The following SAR1B variants were observed in gnomAD, a reference collection of about 807,000 sequenced individuals.
The protein encoded by SAR1B is secretion associated Ras related GTPase 1B.
In SAR1B, 23 loss-of-function variants were observed where a neutral mutation model predicts 26.8. The ratio of observed to expected loss-of-function variants is 0.86; its 90% CI spans 0.62 to 1.22. SAR1B has a LOEUF of 1.22. SAR1B is among the 50% of genes most tolerant of loss of function. SAR1B has a pLI of 0.00. For synonymous variants in SAR1B, 65 were observed against 80.8 expected, an observed-to-expected ratio of 0.80 and a Z score of 1.05; for missense variants, 196 against 232.8, an observed-to-expected ratio of 0.84 and a Z score of 1.03.
Position 134,612,683 on chromosome 5 carries a change from A to AAAAATAAC in SAR1B, c.244+7_244+8insGTTATTTT. On this transcript the variant is annotated splice_region_variant and intron_variant, in intron 4 of 6. Coordinates refer to ENST00000402673, the MANE Select transcript of SAR1B (RefSeq NM_016103.4). Reference sequence around the variant, plus strand: ...AAAAAAAAAAAAAAAAAAAAAAAAGAATCTTACCTTGAACATGTCCACCCA... The same window carrying AAAAATAAC: ...AAAAAAAAAAAAAAAAAAAAAAAAGAAAAATAACATCTTACCTTGAACATGTCCACCCA... The AAAAATAAC allele has an allele frequency of 9.5e-7, 1 of 1,055,242 alleles. No individual in the cohort carries two copies. Among genetic ancestry groups the AAAAATAAC allele is most frequent in the Non-Finnish European group, 1.3e-6 (1 of 756,324 alleles). 65.4% of individuals were successfully genotyped at this position (1,055,242 alleles called of 1,614,324 possible).
chr5:134,621,026 C>T lies in SAR1B; in HGVS notation c.85G>A (p.Val29Ile), dbSNP rs760298095. The T allele has an allele frequency of 6.2e-7, 1 of 1,613,110 alleles. No homozygotes were observed. The highest frequency in any genetic ancestry group is 8.5e-7 in the Non-Finnish European group (1 of 1,179,168). The change falls in exon 3 of 7, where the codon GTA becomes ATA. Residue 29 changes from valine to isoleucine, a missense_variant. Transcript: ENST00000402673. ...LGLYKKTGKLVFLGLDNAGKT... is the reference protein window; with the variant it reads ...LGLYKKTGKLIFLGLDNAGKT... ...CCTGCATTATCCAATCCAAGAAATA[C>T]CAGTTTACCAGTTTTCTTATATAAT... is the stretch of plus-strand genomic sequence containing the variant.
chr5:134,606,143 A>G lies in SAR1B; in HGVS notation c.*807T>C, dbSNP rs1765124017. On this transcript the variant is annotated 3_prime_UTR_variant, in exon 7 of 7. Transcript: ENST00000402673. Reference sequence around the variant, plus strand: ...TACCATAAATGTGCTTTTCTTCAGAAGGCCAATCCCACAGGGACTAGGACA... The same window carrying G: ...TACCATAAATGTGCTTTTCTTCAGAGGGCCAATCCCACAGGGACTAGGACA... 1 of 152,276 alleles carries G rather than the reference A, an allele frequency of 6.6e-6. No homozygotes were observed. Among genetic ancestry groups the G allele is most frequent in the Non-Finnish European group, 1.5e-5 (1 of 68,102 alleles). The allele number at this position is 152,276 out of a possible 1,614,324, so 9.4% of individuals were successfully genotyped here.
chr5:134,612,470 T>TC (rs1483504673), intron 4 of SAR1B, among the ~76,000 whole-genome samples: 1 of 151,134 alleles, frequency 6.6e-6, no homozygotes, highest in African/African-American at 2.4e-5. Flanking sequence ...CGTGGCGAAA[T>TC]CCCATCTCTA....
Position 134,612,683 on chromosome 5 carries a change from A to AAAAAAAAATAAC in SAR1B, c.244+7_244+8insGTTATTTTTTTT. On this transcript the variant is annotated splice_region_variant and intron_variant, in intron 4 of 6. Coordinates refer to ENST00000402673, the MANE Select transcript of SAR1B (RefSeq NM_016103.4). Reference sequence around the variant, plus strand: ...AAAAAAAAAAAAAAAAAAAAAAAAGAATCTTACCTTGAACATGTCCACCCA... The same window carrying AAAAAAAAATAAC: ...AAAAAAAAAAAAAAAAAAAAAAAAGAAAAAAAAATAACATCTTACCTTGAACATGTCCACCCA... 1 of 1,055,250 alleles carries AAAAAAAAATAAC rather than the reference A, an allele frequency of 9.5e-7. No individual in the cohort carries two copies. Among genetic ancestry groups the AAAAAAAAATAAC allele is most frequent in the Non-Finnish European group, 1.3e-6 (1 of 756,330 alleles). The allele number at this position is 1,055,250 out of a possible 1,614,324, so 65.4% of individuals were successfully genotyped here.
chr5:134,608,568 T>C, intron 5 of SAR1B, 65 bp from the exon 6 acceptor site: 1 of 1,535,256 alleles, frequency 6.5e-7, no homozygotes, highest in African/African-American at 1.4e-5. Flanking sequence ...CTTATTTTGA[T>C]ATGATAAAAC....
chr5:134,624,624 A>AG (rs1765465584), intron 1 of SAR1B, among the ~76,000 whole-genome samples: 1 of 121,548 alleles, frequency 8.2e-6, no homozygotes, highest in African/African-American at 2.8e-5. Flanking sequence ...AAGGGAAGTG[A>AG]GTTTTTTTTT....
rs1241517354 is a variant in SAR1B, at chr5:134,609,689, CAG to C, written c.245-17_245-16del. ...CACTCTTCGAGCTAACAAAAACAAT[CAG>C]GGGTTAGAGTTTACTTGTTGGTCAA... is the stretch of plus-strand genomic sequence containing the variant. On this transcript the variant is annotated splice_polypyrimidine_tract_variant and intron_variant, in intron 4 of 6. Transcript: ENST00000402673. The C allele has an allele frequency of 1.9e-6, 3 of 1,606,610 alleles. No homozygotes were observed. The highest frequency in any genetic ancestry group is 1.3e-5 in the African/African-American group (1 of 74,914).
chr5:134,613,685 A>G (rs1432751282), intron 3 of SAR1B: 2 of 152,250 alleles, frequency 1.3e-5, no homozygotes, highest in African/African-American at 4.8e-5. Flanking sequence ...CATATAATTC[A>G]TCTTAAATGA....
chr5:134,620,453 G>A (rs1765386716), intron 3 of SAR1B, among the ~76,000 whole-genome samples: 1 of 152,168 alleles, frequency 6.6e-6, no homozygotes, highest in Admixed American at 6.5e-5. Flanking sequence ...AAAGGTATGA[G>A]TACTAATTCA....
chr5:134,629,146 G>A (rs1183164862), intron 1 of SAR1B, among the ~76,000 whole-genome samples: 2 of 151,760 alleles, frequency 1.3e-5, no homozygotes, highest in African/African-American at 4.8e-5. Flanking sequence ...GATGAACTGG[G>A]CATGATGGCT....
intron 3 of SAR1B, chr5:134,613,084 G>T: frequency 5.8e-6 from 2 of 344,188 alleles, no homozygotes; most frequent in Non-Finnish European, 1.1e-5. Flanking sequence ...ACCTTTCTCA[G>T]CATTCCACAA....
chr5:134,613,672 G>T (rs1382003456), intron 3 of SAR1B: 2 of 152,020 alleles, frequency 1.3e-5, no homozygotes, highest in Non-Finnish European at 2.9e-5. Flanking sequence ...TCTAATAATT[G>T]TTCATATAAT....
chr5:134,621,265 T>A (rs1765402620), intron 2 of SAR1B, among the ~76,000 whole-genome samples: 1 of 151,986 alleles, frequency 6.6e-6, no homozygotes, highest in Admixed American at 6.6e-5. Context: ...AGGTAAGGAG[T>A]TTGACACCAG....
chr5:134,628,716 A>T (rs1765542441), intron 1 of SAR1B, among the ~76,000 whole-genome samples: 1 of 151,746 alleles, frequency 6.6e-6, no homozygotes, highest in South Asian at 2.1e-4. Flanking sequence ...GTGCAGTGGC[A>T]CAATCTTGGC....
At chr5:134,610,957 G>C (rs923494339) in intron 4 of SAR1B, among the ~76,000 whole-genome samples, 1 of 148,720 alleles carries the variant, frequency 6.7e-6, no homozygotes, top group Non-Finnish European at 1.5e-5. Flanking sequence ...TCAGACTCTT[G>C]AGCTCAAGTC....
intron 6 of SAR1B, among the ~76,000 whole-genome samples, chr5:134,607,713 A>C (rs535387196): frequency 1.8e-4 from 28 of 151,778 alleles, no homozygotes; most frequent in Non-Finnish European, 2.8e-4. Flanking sequence ...CAGAGGTTGC[A>C]ATGAGCCGAG....
chr5:134,615,075 G>A (rs1465271971), intron 3 of SAR1B, among the ~76,000 whole-genome samples: 16 of 152,178 alleles, frequency 1.1e-4, no homozygotes, highest in African/African-American at 3.9e-4. Flanking sequence ...GGGGCCGGGC[G>A]CGGTGGCTCA....
rs1001685761 is a variant in SAR1B at position 134,603,148 on chromosome 5, G to A, written c.*3802C>T. On this transcript the variant is annotated 3_prime_UTR_variant, in exon 7 of 7. Transcript: ENST00000402673. ...CAATATGCTCCAAATTAAATGAACAGAAGGAATTTTGAGAGATTTCCCCTT... is the reference window on the plus strand; with the variant it reads ...CAATATGCTCCAAATTAAATGAACAAAAGGAATTTTGAGAGATTTCCCCTT... The A allele has an allele frequency of 1.3e-5, 2 of 152,174 alleles. No homozygotes were observed. Among genetic ancestry groups the A allele is most frequent in the Non-Finnish European group, 2.9e-5 (2 of 68,030 alleles). The allele number at this position is 152,174 out of a possible 1,614,324, so 9.4% of individuals were successfully genotyped here. A position where few individuals can be genotyped will look rare whatever the true frequency, so the allele number is the denominator to read the frequency against.
chr5:134,606,999 C>G lies in SAR1B; in HGVS notation c.548G>C (p.Arg183Thr). Residue 183 changes from arginine (R) to threonine (T), a missense_variant, in exon 7 of 7, where the codon AGA becomes ACA. Physicochemically the swap from Arg to Thr is moderately conservative, Grantham distance 71. Transcript: ENST00000402673. ...LEVFMCSVLK[R>T]QGYGEGFRWM... ...GCGGAAGCCTTCTCCGTAACCTTGT[C>G]TTTTGAGCACACTACACATGAAAAC... is the stretch of plus-strand genomic sequence containing the variant. The G allele has an allele frequency of 6.2e-7, 1 of 1,614,138 alleles. No homozygotes were observed. The highest frequency in any genetic ancestry group is 8.5e-7 in the Non-Finnish European group (1 of 1,180,000).
Sources: allele counts gnomAD v4.1 joint callset (sites outside exome capture counted in the v4.1 genomes callset), GRCh38; gene constraint gnomAD v4.1.1; transcripts MANE v1.5; gene names NCBI Gene and HGNC (gene_info 2026-07-23, HGNC 2026-07-21).